Variants in SCRT1 observed in about 807,000 individuals in gnomAD.
SCRT1 encodes transcriptional repressor scratch 1.
Under a neutral mutation model 3.4 loss-of-function variants are expected in SCRT1, and 1 was observed. The observed-to-expected ratio is 0.29, with a 90% CI of 0.10 to 1.39. The LOEUF (loss-of-function observed/expected upper bound fraction) is 1.39, where lower values mean the gene tolerates loss of function less well. Ranked by LOEUF, SCRT1 falls within the 40% of genes most tolerant of loss-of-function variation. The pLI is 0.42. For missense variants in SCRT1, 380 were observed against 526.3 expected (o/e 0.72, Z 2.72); for synonymous variants, 238 against 247.0 (o/e 0.96, Z 0.34).
chr8:144,336,158 G>T lies in SCRT1; in HGVS notation c.12C>A (p.Ser4=). The change falls in exon 1 of 2, where the codon TCC becomes TCA. Residue 4 remains serine (S), a synonymous_variant. Coordinates refer to ENST00000569446, the MANE Select transcript of SCRT1 (RefSeq NM_031309.6). This position sits in a 1 kb window ranked among gnomAD's most constrained non-coding sequence, Gnocchi z 6.8. ...CAAGTTTGACCTTCTTGACCAGGAAGGACCTGGGCATGATTCCTGCGGGGC... is the reference window on the plus strand; with the variant it reads ...CAAGTTTGACCTTCTTGACCAGGAATGACCTGGGCATGATTCCTGCGGGGC... MPR[S]FLVKKVKLDA... 6.2e-7 allele frequency: 1 copy of T among 1,602,902 alleles called. No homozygotes were observed. Among genetic ancestry groups the T allele is most frequent in the East Asian group, 2.3e-5 (1 of 44,340 alleles).
At position 144,335,743 on chromosome 8, in the gene SCRT1, C is replaced by G. The variant is rs1405788450; in HGVS notation, c.115+312G>C. ...GTGTGCCGGCATGGCTGGGTCCCGT[C>G]ATGGCAGCGCCCATGCGGCTGTGTC... On this transcript the variant is annotated intron_variant, in intron 1 of 1. Coordinates refer to ENST00000569446, the MANE Select transcript of SCRT1 (RefSeq NM_031309.6). The surrounding 1 kb of genome is among the most constrained non-coding windows in gnomAD (Gnocchi z 7.7). Among the ~76,000 whole-genome samples the G allele has an allele frequency of 1.3e-5, 2 of 152,228 alleles. No individual in the cohort carries two copies. Among genetic ancestry groups the G allele is most frequent in the Non-Finnish European group, 2.9e-5 (2 of 68,034 alleles).
chr8:144,332,319 G>A lies in SCRT1; in HGVS notation c.*866C>T, dbSNP rs1272597674. On this transcript the variant is annotated 3_prime_UTR_variant, in exon 2 of 2. Transcript: ENST00000569446. ...GGGCTTTACCCGCAAAGCGAAGACA[G>A]AGGTGTGTAGAGGGCAGCGCCCAGG... 1 of 151,280 alleles carries A rather than the reference G, an allele frequency of 6.6e-6. No homozygotes were observed. Among genetic ancestry groups the A allele is most frequent in the Non-Finnish European group, 1.5e-5 (1 of 67,912 alleles). 9.4% of individuals were successfully genotyped at this position (151,280 alleles called of 1,614,324 possible).
At position 144,334,006 on chromosome 8, in the gene SCRT1, C is replaced by A; in HGVS notation, c.226G>T (p.Glu76Ter). Residue 76 changes from glutamate to a stop codon, truncating the protein, a stop_gained, in exon 2 of 2, where the codon GAG (glutamate) becomes TAG (stop). Transcript: ENST00000569446. LOFTEE classifies it low-confidence loss of function (END_TRUNC). ...EPMYAAAVRG[E>*]LGPAAAGSAP... ...GACCCTGCAGCCGCCGGACCCAGCT[C>A]TCCACGCACAGCTGCTGCGTACATG... 1 of 1,476,610 alleles carries A rather than the reference C, an allele frequency of 6.8e-7. No individual in the cohort carries two copies. Among genetic ancestry groups the A allele is most frequent in the Non-Finnish European group, 9.0e-7 (1 of 1,115,960 alleles). 91.5% of individuals were successfully genotyped at this position (1,476,610 alleles called of 1,614,324 possible).
In SCRT1 at chr8:144,332,982, G is replaced by C. The variant is rs986539132; in HGVS notation, c.*203C>G. 30 of 512,298 alleles carry C rather than the reference G, an allele frequency of 5.9e-5. 1 individual carries two copies. The South Asian group carries it at 7.2e-4, about 12-fold the overall frequency. The allele number at this position is 512,298 out of a possible 1,614,324, so 31.7% of individuals were successfully genotyped here. Reference sequence around the variant, plus strand: ...CCTGGAGGGGAGGGGAGGGGGCTCGGGGTGGGTCTCCCCTCGGGACCCTAT... The same window carrying C: ...CCTGGAGGGGAGGGGAGGGGGCTCGCGGTGGGTCTCCCCTCGGGACCCTAT... On this transcript the variant is annotated 3_prime_UTR_variant, in exon 2 of 2. Coordinates refer to ENST00000569446, the MANE Select transcript of SCRT1 (RefSeq NM_031309.6).
Position 144,336,426 on chromosome 8 carries a change from TCTCTC to T in SCRT1, c.-262_-258del. On this transcript the variant is annotated 5_prime_UTR_variant, in exon 1 of 2. Coordinates refer to ENST00000569446, the MANE Select transcript of SCRT1 (RefSeq NM_031309.6). This position sits in a 1 kb window ranked among gnomAD's most constrained non-coding sequence, Gnocchi z 6.8. ...CAATCCTTCCTTCCTTCTCTCCTCT[TCTCTC>T]CTCTCCTCTTCCTTCCTTCCCTCCT... 8.0e-6 allele frequency: 3 copies of T among 373,442 alleles called. No homozygotes were observed. Among genetic ancestry groups the T allele is most frequent in the South Asian group, 6.0e-5 (2 of 33,166 alleles). The allele number at this position is 373,442 out of a possible 1,614,324, so 23.1% of individuals were successfully genotyped here.
Position 144,333,092 on chromosome 8 carries a change from C to G in SCRT1, c.*93G>C, listed in dbSNP as rs373937558. The G allele has an allele frequency of 9.8e-6, 11 of 1,124,816 alleles. No individual in the cohort carries two copies. The African/African-American group carries it at 1.3e-4, about 13-fold the overall frequency. 69.7% of individuals were successfully genotyped at this position (1,124,816 alleles called of 1,614,324 possible). A position where few individuals can be genotyped will look rare whatever the true frequency, so the allele number is the denominator to read the frequency against. On this transcript the variant is annotated 3_prime_UTR_variant, in exon 2 of 2. Coordinates refer to ENST00000569446, the MANE Select transcript of SCRT1 (RefSeq NM_031309.6). ...CCCCCTATTGCTGTGAGGAGGGGCC[C>G]GCCCTCCGGCCCCTCCACCCGGACG...
rs1817825343 is a variant in SCRT1 at position 144,333,383 on chromosome 8, C to T, written c.849G>A (p.Lys283=). Residue 283 remains lysine, a synonymous_variant, in exon 2 of 2, where the codon AAG becomes AAA. Transcript: ENST00000569446. The part of the protein sequence containing the change: ...EKPFGCAHCG[K]AFADRSNLRA... ...GCAGGTTGGAGCGGTCGGCGAAGGCCTTGCCGCAGTGCGCGCAGCCGAAGG... is the reference window on the plus strand; with the variant it reads ...GCAGGTTGGAGCGGTCGGCGAAGGCTTTGCCGCAGTGCGCGCAGCCGAAGG... The T allele has an allele frequency of 6.2e-7, 1 of 1,609,656 alleles. No homozygotes were observed. Among genetic ancestry groups the T allele is most frequent in the Non-Finnish European group, 8.5e-7 (1 of 1,178,842 alleles).
Position 144,335,981 on chromosome 8 carries a change from C to A in SCRT1, c.115+74G>T. 1 of 1,052,424 alleles carries A rather than the reference C, an allele frequency of 9.5e-7. No homozygotes were observed. 65.2% of individuals were successfully genotyped at this position (1,052,424 alleles called of 1,614,324 possible). A position where few individuals can be genotyped will look rare whatever the true frequency, so the allele number is the denominator to read the frequency against. On this transcript the variant is annotated intron_variant, in intron 1 of 1. Coordinates refer to ENST00000569446, the MANE Select transcript of SCRT1 (RefSeq NM_031309.6). This position sits in a 1 kb window ranked among gnomAD's most constrained non-coding sequence, Gnocchi z 7.7. ...CTGTTTCCCCGGGCCCTGCCCTCCG[C>A]CCCCACACTCTGGCCCTCCACCGCT... is the stretch of plus-strand genomic sequence containing the variant.
In SCRT1 at chr8:144,332,174, C is replaced by T. The variant is rs1743862922; in HGVS notation, c.*1011G>A. ...AAGTAATCCCGGACATCCCAGGCCC[C>T]CGGCGTCGGCGGGCAAGATGGGGGT... On this transcript the variant is annotated 3_prime_UTR_variant, in exon 2 of 2. Coordinates refer to ENST00000569446, the MANE Select transcript of SCRT1 (RefSeq NM_031309.6). 2 of 152,206 alleles carry T rather than the reference C, an allele frequency of 1.3e-5. No individual in the cohort carries two copies. Among genetic ancestry groups the T allele is most frequent in the Non-Finnish European group, 2.9e-5 (2 of 68,042 alleles). 9.4% of individuals were successfully genotyped at this position (152,206 alleles called of 1,614,324 possible).
rs1450687409 is a variant in SCRT1 at position 144,335,908 on chromosome 8, C to T, written c.115+147G>A. Reference sequence around the variant, plus strand: ...CTGTGTTCCCCTTCCTCCCCTCTACCGTCCAGGCTCCAGCCACAGACTCTT... The same window carrying T: ...CTGTGTTCCCCTTCCTCCCCTCTACTGTCCAGGCTCCAGCCACAGACTCTT... On this transcript the variant is annotated intron_variant, in intron 1 of 1. Transcript: ENST00000569446. This position sits in a 1 kb window ranked among gnomAD's most constrained non-coding sequence, Gnocchi z 7.7. The T allele has an allele frequency of 6.9e-6, 4 of 582,194 alleles. No homozygotes were observed. Among genetic ancestry groups the T allele is most frequent in the Non-Finnish European group, 1.2e-5 (4 of 338,026 alleles). The allele number at this position is 582,194 out of a possible 1,614,324, so 36.1% of individuals were successfully genotyped here.
rs1293357786 is a variant in SCRT1, at chr8:144,331,460, A to T, written c.*1725T>A. On this transcript the variant is annotated 3_prime_UTR_variant, in exon 2 of 2. Coordinates refer to ENST00000569446, the MANE Select transcript of SCRT1 (RefSeq NM_031309.6). ...GTGTAGGGGGCATGTGAACCTAGGG[A>T]CCTGGTCTCTCTGCATCTGCCGTTC... 6.6e-6 allele frequency: 1 copy of T among 152,136 alleles called. No homozygotes were observed. Among genetic ancestry groups the T allele is most frequent in the African/African-American group, 2.4e-5 (1 of 41,304 alleles). The allele number at this position is 152,136 out of a possible 1,614,324, so 9.4% of individuals were successfully genotyped here. A position where few individuals can be genotyped will look rare whatever the true frequency, so the allele number is the denominator to read the frequency against.
At chr8:144,334,327 G>A (rs1201580668) in intron 1 of SCRT1, among the ~76,000 whole-genome samples, 3 of 151,916 alleles carry the variant, frequency 2.0e-5, no homozygotes, top group Non-Finnish European at 4.4e-5. Context: ...GGGAGGAGAG[G>A]ATGAGACAGG....
chr8:144,332,399 G>A lies in SCRT1; in HGVS notation c.*786C>T, dbSNP rs1432799967. On this transcript the variant is annotated 3_prime_UTR_variant, in exon 2 of 2. Transcript: ENST00000569446. ...CCAACACGAATGCCTGGGGTACGGG[G>A]GTGGGGGGTGGGGGCCCGGGGCAGG... The A allele has an allele frequency of 1.4e-5, 2 of 147,214 alleles. No homozygotes were observed. The highest frequency in any genetic ancestry group is 1.5e-5 in the Non-Finnish European group (1 of 66,548). 9.1% of individuals were successfully genotyped at this position (147,214 alleles called of 1,614,324 possible). A position where few individuals can be genotyped will look rare whatever the true frequency, so the allele number is the denominator to read the frequency against.
chr8:144,334,778 T>G (rs1390932791), intron 1 of SCRT1, among the ~76,000 whole-genome samples: 1 of 152,076 alleles, frequency 6.6e-6, no homozygotes, highest in Non-Finnish European at 1.5e-5. Flanking sequence ...GACTTGACCC[T>G]GCCCTCCCTG....
intron 1 of SCRT1, 39 bp from the exon 2 acceptor site, chr8:144,334,155 G>C: frequency 2.3e-6 from 3 of 1,310,934 alleles, no homozygotes; most frequent in Non-Finnish European, 3.1e-6. Flanking sequence ...AAGGGAATGG[G>C]GCGGCGGCAG....
In SCRT1 at chr8:144,333,246, T is replaced by A; in HGVS notation, c.986A>T (p.Lys329Met). 6.2e-7 allele frequency: 1 copy of A among 1,608,044 alleles called. No homozygotes were observed. The highest frequency in any genetic ancestry group is 8.5e-7 in the Non-Finnish European group (1 of 1,178,320). The change falls in exon 2 of 2, where the codon AAG becomes ATG. Residue 329 changes from lysine to methionine, a missense_variant. Around this residue, in one of 5 missense-constraint regions of SCRT1, gnomAD observed 67 missense variants for 64.7 expected, o/e 1.04. Transcript: ENST00000569446. ...AGCCGCGGGGCCTCCGGCGCCGCCCTTGAAGCAGGCCGACTCGTAGTGCTT... is the reference window on the plus strand; with the variant it reads ...AGCCGCGGGGCCTCCGGCGCCGCCCATGAAGCAGGCCGACTCGTAGTGCTT... ...LNKHYESACF[K>M]GGAGGPAAPA...
chr8:144,333,649 C>A lies in SCRT1; in HGVS notation c.583G>T (p.Glu195Ter). ...GACGTGGCGTATGTTTTGCCGCACT[C>A]GCCGCACGCGTGCCGGCCGCCAGCA... ...AGAGGRHACG[E>*]CGKTYATSSN... Residue 195 changes from glutamate (E) to a stop codon, truncating the protein, a stop_gained, in exon 2 of 2, where the codon GAG becomes TAG. Coordinates refer to ENST00000569446, the MANE Select transcript of SCRT1 (RefSeq NM_031309.6). LOFTEE classifies it low-confidence loss of function (END_TRUNC). 1.3e-6 allele frequency: 2 copies of A among 1,573,554 alleles called. No individual in the cohort carries two copies. The highest frequency in any genetic ancestry group is 1.7e-6 in the Non-Finnish European group (2 of 1,166,304).
chr8:144,331,013 T>C lies in SCRT1; in HGVS notation c.*2172A>G. ...GCCCACAGCCCTCCAGCTTTCTCCT[T>C]AGGTAGGTAGACAGGAGTATGGGGT... is the stretch of plus-strand genomic sequence containing the variant. On this transcript the variant is annotated 3_prime_UTR_variant, in exon 2 of 2. Transcript: ENST00000569446. 1 of 152,066 alleles carries C rather than the reference T, an allele frequency of 6.6e-6. No individual in the cohort carries two copies. Among genetic ancestry groups the C allele is most frequent in the East Asian group, 1.9e-4 (1 of 5,146 alleles). The allele number at this position is 152,066 out of a possible 1,614,324, so 9.4% of individuals were successfully genotyped here. A position where few individuals can be genotyped will look rare whatever the true frequency, so the allele number is the denominator to read the frequency against.
Position 144,336,238 on chromosome 8 carries a change from C to G in SCRT1, c.-69G>C. 2 of 1,199,662 alleles carry G rather than the reference C, an allele frequency of 1.7e-6. No homozygotes were observed. The highest frequency in any genetic ancestry group is 2.3e-6 in the Non-Finnish European group (2 of 860,004). 74.3% of individuals were successfully genotyped at this position (1,199,662 alleles called of 1,614,324 possible). A position where few individuals can be genotyped will look rare whatever the true frequency, so the allele number is the denominator to read the frequency against. On this transcript the variant is annotated 5_prime_UTR_variant, in exon 1 of 2. Coordinates refer to ENST00000569446, the MANE Select transcript of SCRT1 (RefSeq NM_031309.6). The surrounding 1 kb of genome is among the most constrained non-coding windows in gnomAD (Gnocchi z 6.8). ...CTTGGGGGGGCTGCGGCGGCAGGGCCCCGTCACCATCCGAGGAGCGGCGGA... is the reference window on the plus strand; with the variant it reads ...CTTGGGGGGGCTGCGGCGGCAGGGCGCCGTCACCATCCGAGGAGCGGCGGA...
Sources: allele counts gnomAD v4.1 joint callset (sites outside exome capture counted in the v4.1 genomes callset), GRCh38; gene constraint gnomAD v4.1.1; regional missense constraint gnomAD v4.1.1; non-coding constraint Gnocchi (gnomAD v3.1); transcripts MANE v1.5; gene names NCBI Gene and HGNC (gene_info 2026-07-23, HGNC 2026-07-21).